The following LANCL3 variants were observed in gnomAD, a reference collection of about 807,000 sequenced individuals.
LANCL3 encodes lanC-like protein 3.
Under a neutral mutation model 26.5 loss-of-function variants are expected in LANCL3, and 19 were observed. That is an observed-to-expected ratio of 0.72 (90% confidence interval 0.50 to 1.05). The LOEUF is 1.05. Ranked by LOEUF, LANCL3 falls within the 50% of genes least tolerant of loss-of-function variation. LANCL3 has a pLI of 0.00. For synonymous variants in LANCL3, 160 were observed against 166.6 expected (o/e 0.96, Z 0.30); for missense variants, 318 against 362.7 (o/e 0.88, Z 1.00).
chrX:37,631,292 G>T (rs1456324826), intron 1 of LANCL3, among the ~76,000 whole-genome samples: 1 of 111,435 alleles, frequency 9.0e-6, no homozygotes, highest in East Asian at 2.8e-4. Context: ...GGGATTGGTG[G>T]TGATATCCCC....
chrX:37,587,572 C>T (rs781929570), intron 1 of LANCL3, among the ~76,000 whole-genome samples: 4 of 112,981 alleles, frequency 3.5e-5, no homozygotes, highest in African/African-American at 1.3e-4. Context: ...ATCGAGGCTC[C>T]GTGGGCGTGG....
intron 1 of LANCL3, among the ~76,000 whole-genome samples, chrX:37,615,091 A>C (rs1016785412): frequency 8.9e-6 from 1 of 112,245 alleles, no homozygotes; most frequent in Non-Finnish European, 1.9e-5. Context: ...TACCATGCCA[A>C]GGCCTCACAG....
chrX:37,666,713 A>T (rs782653413), intron 3 of LANCL3, among the ~76,000 whole-genome samples: 6 of 111,992 alleles, frequency 5.4e-5, no homozygotes, highest in Non-Finnish European at 1.1e-4. Flanking sequence ...CAGGGTGGGA[A>T]GGACTCACTT....
At position 37,633,184 on chromosome X, in the gene LANCL3, C is replaced by G. The variant is rs782663976; in HGVS notation, c.574-22504C>G. The stretch of plus-strand genomic sequence containing the variant: ...TTTTATTCTTTTTTCTCTAAACTTC[C>G]CTTCTCACTTCATTTCATTCATTTC... On this transcript the variant is annotated intron_variant, in intron 1 of 4. Coordinates refer to ENST00000378619, the MANE Select transcript of LANCL3 (RefSeq NM_001170331.2). Among the ~76,000 whole-genome samples the G allele has an allele frequency of 3.7e-5, 4 of 109,482 alleles. No homozygotes were observed. In the East Asian group the frequency reaches 8.5e-4, roughly 23 times the overall value.
chrX:37,656,922 A>G (rs782048532), intron 2 of LANCL3, among the ~76,000 whole-genome samples: 3 of 113,003 alleles, frequency 2.7e-5, no homozygotes, highest in Non-Finnish European at 3.7e-5. Flanking sequence ...TTTGGGTGTA[A>G]AAGGTTTATT....
At chrX:37,581,356 G>T (rs782725462) in intron 1 of LANCL3, among the ~76,000 whole-genome samples, 10 of 112,378 alleles carry the variant, frequency 8.9e-5, no homozygotes, top group Admixed American at 2.8e-4. Flanking sequence ...TCTATTGAAT[G>T]AATGAGCAAA....
At chrX:37,626,492 T>A (rs1556423052) in intron 1 of LANCL3, among the ~76,000 whole-genome samples, 3 of 112,308 alleles carry the variant, frequency 2.7e-5, no homozygotes, top group African/African-American at 9.7e-5. Context: ...AATCATTATT[T>A]CAAGGTCATT....
At chrX:37,663,934 G>A (rs1926480093) in intron 3 of LANCL3, among the ~76,000 whole-genome samples, 1 of 111,846 alleles carries the variant, frequency 8.9e-6, no homozygotes, top group Non-Finnish European at 1.9e-5. Flanking sequence ...AGTCTGAGGA[G>A]AAGCTAAGAA....
At chrX:37,651,037 T>C (rs1448055573) in intron 1 of LANCL3, among the ~76,000 whole-genome samples, 1 of 110,852 alleles carries the variant, frequency 9.0e-6, no homozygotes, top group African/African-American at 3.3e-5. Context: ...GCTTCATCCA[T>C]GGCCCTACAA....
chrX:37,646,472 A>C (rs1925986613), intron 1 of LANCL3, among the ~76,000 whole-genome samples: 1 of 112,824 alleles, frequency 8.9e-6, no homozygotes, highest in Admixed American at 9.4e-5. Flanking sequence ...TTCCAAGTGA[A>C]CTACAACCCC....
At chrX:37,675,561 T>C (rs1602139264) in intron 4 of LANCL3, 93 bp from the exon 5 acceptor site, 2 of 426,735 alleles carry the variant, frequency 4.7e-6, no homozygotes, top group Non-Finnish European at 3.8e-6. Context: ...AAGAAAATTA[T>C]GCTAAAACTT....
intron 1 of LANCL3, 123 bp from the exon 2 acceptor site, chrX:37,655,565 G>C: frequency 3.8e-6 from 2 of 523,777 alleles, no homozygotes; most frequent in East Asian, 8.6e-5. Context: ...CGTTGACTAA[G>C]TTTATTTACA....
At position 37,675,802 on chromosome X, in the gene LANCL3, G is replaced by A. The variant is rs369158350; in HGVS notation, c.1252G>A (p.Val418Ile). The A allele has an allele frequency of 4.1e-5, 47 of 1,146,693 alleles. No individual in the cohort carries two copies. The highest frequency in any genetic ancestry group is 2.8e-4 in the Admixed American group (10 of 35,785). The allele number at this position is 1,146,693 out of a possible 1,213,427, so 94.5% of individuals were successfully genotyped here. A position where few individuals can be genotyped will look rare whatever the true frequency, so the allele number is the denominator to read the frequency against. ...PNQAEFPLFS[V>I]FV ...TCAGGCTGAATTCCCACTCTTCAGC[G>A]TCTTTGTTTAGAAGGCTCTATCTTC... is the stretch of plus-strand genomic sequence containing the variant. Residue 418 changes from valine to isoleucine, a missense_variant, in exon 5 of 5, where the codon GTC (valine) becomes ATC (isoleucine). Val to Ile is a conservative substitution (Grantham distance 29). Coordinates refer to ENST00000378619, the MANE Select transcript of LANCL3 (RefSeq NM_001170331.2).
chrX:37,682,669 A>G lies in LANCL3; in HGVS notation c.*6856A>G, dbSNP rs1569471888. The G allele has an allele frequency of 8.9e-6, 1 of 112,278 alleles. No homozygotes were observed. 9.3% of individuals were successfully genotyped at this position (112,278 alleles called of 1,213,427 possible). On this transcript the variant is annotated 3_prime_UTR_variant, in exon 5 of 5. Coordinates refer to ENST00000378619, the MANE Select transcript of LANCL3 (RefSeq NM_001170331.2). ...TATGTGGATATATTCAAACATGTGG[A>G]TTGATTTAGATCATCCGTTTTGTCT...
intron 1 of LANCL3, among the ~76,000 whole-genome samples, chrX:37,579,775 T>C (rs1556416800): frequency 9.0e-6 from 1 of 111,560 alleles, no homozygotes; most frequent in Non-Finnish European, 1.9e-5. Context: ...CAAGTATCTA[T>C]GTAGGGTAAA....
At chrX:37,581,691 C>G (rs1277482900) in intron 1 of LANCL3, among the ~76,000 whole-genome samples, 1 of 111,937 alleles carries the variant, frequency 8.9e-6, no homozygotes, top group African/African-American at 3.2e-5. Context: ...CAGACCTACT[C>G]AAAATAATTT....
At chrX:37,611,424 A>G (rs1194937123) in intron 1 of LANCL3, among the ~76,000 whole-genome samples, 1 of 110,197 alleles carries the variant, frequency 9.1e-6, no homozygotes, top group Non-Finnish European at 1.9e-5. Flanking sequence ...TTGCTCCTTT[A>G]TTATACTCCA....
At chrX:37,673,168 C>G (rs1556436750) in intron 4 of LANCL3, among the ~76,000 whole-genome samples, 1 of 111,413 alleles carries the variant, frequency 9.0e-6, no homozygotes, top group Non-Finnish European at 1.9e-5. Flanking sequence ...TTTTTAATTT[C>G]CTATATCTGT....
intron 3 of LANCL3, among the ~76,000 whole-genome samples, chrX:37,665,964 G>T (rs1375934794): frequency 2.7e-5 from 3 of 112,179 alleles, no homozygotes; most frequent in African/African-American, 9.7e-5. Flanking sequence ...CATTTAGTTT[G>T]TGCAAGGTAC....
Sources: allele counts gnomAD v4.1 joint callset (sites outside exome capture counted in the v4.1 genomes callset), GRCh38; gene constraint gnomAD v4.1.1; transcripts MANE v1.5; gene names NCBI Gene and HGNC (gene_info 2026-07-23, HGNC 2026-07-21).